The following CACNA1C variants were observed in gnomAD, a reference collection of about 807,000 sequenced individuals.
The protein encoded by CACNA1C is calcium voltage-gated channel subunit alpha1 C.
In CACNA1C, 30 loss-of-function variants were observed where a neutral mutation model predicts 229.0. The observed-to-expected ratio is 0.13, with a 90% CI of 0.10 to 0.18. CACNA1C has a LOEUF of 0.18. Ranked by LOEUF, CACNA1C falls within the 10% of genes least tolerant of loss-of-function variation. CACNA1C has a pLI of 1.00. For synonymous variants in CACNA1C, 1,114 were observed against 1,132.5 expected (o/e 0.98, Z 0.33); for missense variants, 1,658 against 2,845.0 (o/e 0.58, Z 9.49).
In CACNA1C at chr12:2,605,889, C is replaced by A. The variant is rs2153427686; in HGVS notation, c.3156+103C>A. On this transcript the variant is annotated intron_variant, in intron 24 of 46. Transcript: ENST00000399655. The surrounding 1 kb of genome is among the most constrained non-coding windows in gnomAD (Gnocchi z 6.2). ...GTACAAACGAGACAGTGTCCTGAGCCAGACTTGGCTTGGATATAACCTCCA... is the reference window on the plus strand; with the variant it reads ...GTACAAACGAGACAGTGTCCTGAGCAAGACTTGGCTTGGATATAACCTCCA... 1.2e-6 allele frequency: 1 copy of A among 827,708 alleles called. No individual in the cohort carries two copies. The highest frequency in any genetic ancestry group is 2.0e-6 in the Non-Finnish European group (1 of 489,582). The allele number at this position is 827,708 out of a possible 1,614,324, so 51.3% of individuals were successfully genotyped here.
chr12:2,375,149 C>T (rs2098009237), intron 3 of CACNA1C, among the ~76,000 whole-genome samples: 1 of 152,194 alleles, frequency 6.6e-6, no homozygotes, highest in African/African-American at 2.4e-5. Flanking sequence ...GTGCAGGGCG[C>T]ACTTCTCACA....
intron 3 of CACNA1C, among the ~76,000 whole-genome samples, chr12:2,402,352 A>G (rs2098689852): frequency 1.3e-5 from 2 of 152,254 alleles, no homozygotes; most frequent in African/African-American, 4.8e-5. Flanking sequence ...TGGATAGTGC[A>G]ATTGGAAGGG....
chr12:2,039,029 A>G (rs886997146), intron 1 of CACNA1C, among the ~76,000 whole-genome samples: 1 of 152,250 alleles, frequency 6.6e-6, no homozygotes, highest in Non-Finnish European at 1.5e-5. Flanking sequence ...AAGTAAACAC[A>G]ATGTCCATAG....
intron 3 of CACNA1C, among the ~76,000 whole-genome samples, chr12:2,355,432 A>T (rs1468988991): frequency 6.6e-6 from 1 of 152,122 alleles, no homozygotes; most frequent in South Asian, 2.1e-4. Flanking sequence ...ACCGTGGTTC[A>T]GTATTTTCAG....
chr12:2,691,518 A>C lies in CACNA1C; in HGVS notation c.*319A>C. ...GCACCCCGGCTTCCCGCGCGCCCTC[A>C]CCAAAAGGACCCTACAGCAAACGGG... On this transcript the variant is annotated 3_prime_UTR_variant, in exon 47 of 47. Coordinates refer to ENST00000399655, the MANE Select transcript of CACNA1C (RefSeq NM_000719.7). 3.3e-6 allele frequency: 1 copy of C among 299,190 alleles called. No homozygotes were observed. The highest frequency in any genetic ancestry group is 9.1e-4 in the Middle Eastern group (1 of 1,104). The allele number at this position is 299,190 out of a possible 1,614,324, so 18.5% of individuals were successfully genotyped here.
chr12:2,071,036 T>TCCCTTTC (rs2061027808), intron 1 of CACNA1C, among the ~76,000 whole-genome samples: 1 of 129,088 alleles, frequency 7.7e-6, no homozygotes, highest in African/African-American at 2.9e-5. Context: ...CCTCCTTCCT[T>TCCCTTTC]CCCTTTCCCC....
chr12:1,998,954 G>A (rs960249692), intron 1 of CACNA1C, among the ~76,000 whole-genome samples: 7 of 152,128 alleles, frequency 4.6e-5, no homozygotes, highest in East Asian at 1.9e-4. Flanking sequence ...TAAAAAAAGC[G>A]TAATGTCAAA....
chr12:2,665,706 C>T lies in CACNA1C; in HGVS notation c.4524C>T (p.Ala1508=). ...KRIWAEYDPE[A]KGRIKHLDVV... ...TCTGGGCAGAGTATGACCCTGAAGC[C>T]AAGTAAGTTCCCAGAGGGAAATCCT... Residue 1508 remains alanine (A), a splice_region_variant and synonymous_variant, in exon 36 of 47, where the codon GCC becomes GCT. Transcript: ENST00000399655. This position sits in a 1 kb window ranked among gnomAD's most constrained non-coding sequence, Gnocchi z 5.9. The T allele has an allele frequency of 6.2e-7, 1 of 1,611,518 alleles. No homozygotes were observed. The highest frequency in any genetic ancestry group is 8.5e-7 in the Non-Finnish European group (1 of 1,178,638).
chr12:2,412,541 G>C (rs2098819860), intron 3 of CACNA1C, among the ~76,000 whole-genome samples: 1 of 152,238 alleles, frequency 6.6e-6, no homozygotes, highest in African/African-American at 2.4e-5. Context: ...TTGCTTTAGG[G>C]CTCGGGAGAA....
At chr12:2,041,576 C>T (rs1211886975) in intron 1 of CACNA1C, among the ~76,000 whole-genome samples, 3 of 152,022 alleles carry the variant, frequency 2.0e-5, no homozygotes, top group African/African-American at 7.2e-5. Flanking sequence ...GCGCCCGGCC[C>T]GCTAAGGGTA....
intron 3 of CACNA1C, among the ~76,000 whole-genome samples, chr12:2,192,160 T>C (rs1238615996): frequency 6.6e-6 from 1 of 152,184 alleles, no homozygotes; most frequent in East Asian, 1.9e-4. Context: ...CACTCAAGTT[T>C]TTGGGAAGAT....
rs149980486 is a variant in CACNA1C at position 2,447,745 on chromosome 12, C to T, written c.478-1231C>T. 4.3e-3 allele frequency among the ~76,000 whole-genome samples: 652 copies of T among 152,292 alleles called. 4 individuals carry two copies. Among genetic ancestry groups the T allele is most frequent in the Non-Finnish European group, 7.3e-3 (498 of 68,026 alleles). ...GCTGGCTAGGCAGGAGGAGGTGGGC[C>T]TTTGTGGGCAACATCCCTCCTCCAG... On this transcript the variant is annotated intron_variant, in intron 3 of 46. Coordinates refer to ENST00000399655, the MANE Select transcript of CACNA1C (RefSeq NM_000719.7).
intron 1 of CACNA1C, among the ~76,000 whole-genome samples, chr12:2,107,155 GT>G (rs2079302207): frequency 6.8e-6 from 1 of 146,936 alleles, no homozygotes; most frequent in Non-Finnish European, 1.5e-5. Flanking sequence ...CTCAGCTGGG[GT>G]GTCCTGAAGC....
Position 2,034,347 on chromosome 12 carries a change from T to C in CACNA1C, c.139+63146T>C, listed in dbSNP as rs1258137452. On this transcript the variant is annotated intron_variant, in intron 1 of 46. Transcript: ENST00000682462. This position sits in a 1 kb window ranked among gnomAD's most constrained non-coding sequence, Gnocchi z 4.1. ...CTTTCTCCGTGAGATGCCAGATAAC[T>C]GAAAGAGAACTACAGGGAAGATGTC... Among the ~76,000 whole-genome samples, 3 of 152,148 alleles carry C rather than the reference T, an allele frequency of 2.0e-5. No homozygotes were observed. Among genetic ancestry groups the C allele is most frequent in the Admixed American group, 6.5e-5 (1 of 15,290 alleles).
At chr12:2,682,909 C>T (rs368066505) in intron 43 of CACNA1C, among the ~76,000 whole-genome samples, 2 of 148,874 alleles carry the variant, frequency 1.3e-5, no homozygotes, top group South Asian at 2.1e-4. Flanking sequence ...ACACAACACA[C>T]ACATACACGA....
chr12:2,548,648 C>A (rs1039688392), intron 9 of CACNA1C, among the ~76,000 whole-genome samples: 2 of 152,186 alleles, frequency 1.3e-5, no homozygotes, highest in South Asian at 4.1e-4. Flanking sequence ...GTCAAACATA[C>A]GGTAAGTCGT....
At position 2,498,333 on chromosome 12, in the gene CACNA1C, C is replaced by T. The variant is rs537504067; in HGVS notation, c.1113+4947C>T. On this transcript the variant is annotated intron_variant, in intron 7 of 46. Transcript: ENST00000399655. ...TGGTCCCTGACTTTTCACCTGCCTCCGTGCTACCCCCAGGGTGCACCTGTT... is the reference window on the plus strand; with the variant it reads ...TGGTCCCTGACTTTTCACCTGCCTCTGTGCTACCCCCAGGGTGCACCTGTT... Among the ~76,000 whole-genome samples the T allele has an allele frequency of 1.2e-4, 19 of 152,276 alleles. No homozygotes were observed. The South Asian group carries it at 3.3e-3, about 27-fold the overall frequency.
In CACNA1C at chr12:2,456,347, G is replaced by A. The variant is rs538429492; in HGVS notation, c.618-1220G>A. Among the ~76,000 whole-genome samples, 10 of 152,314 alleles carry A rather than the reference G, an allele frequency of 6.6e-5. No individual in the cohort carries two copies. In the East Asian group the frequency reaches 1.9e-3, roughly 29 times the overall value. The stretch of plus-strand genomic sequence containing the variant: ...GCAGCTGGTCTCTGGCCTCGCCCCC[G>A]ACAGGGGAGTCTCCCACAACAGCAG... On this transcript the variant is annotated intron_variant, in intron 4 of 46. Coordinates refer to ENST00000399655, the MANE Select transcript of CACNA1C (RefSeq NM_000719.7).
At chr12:2,616,723 C>T (rs1209358762) in intron 29 of CACNA1C, among the ~76,000 whole-genome samples, 5 of 152,230 alleles carry the variant, frequency 3.3e-5, no homozygotes, top group African/African-American at 1.2e-4. Context: ...ATCTAACAGC[C>T]GTGAGCCCCT....
Sources: allele counts gnomAD v4.1 joint callset (sites outside exome capture counted in the v4.1 genomes callset), GRCh38; gene constraint gnomAD v4.1.1; non-coding constraint Gnocchi (gnomAD v3.1); transcripts MANE v1.5; gene names NCBI Gene and HGNC (gene_info 2026-07-23, HGNC 2026-07-21).